IGSF11: variants seen among roughly 807,000 people sequenced by gnomAD.
IGSF11 encodes the protein immunoglobulin superfamily member 11, also known as CXADR like 1.
In IGSF11, 22 loss-of-function variants were observed where a neutral mutation model predicts 41.0. That is an observed-to-expected ratio of 0.54 (90% CI 0.38 to 0.77). The LOEUF (loss-of-function observed/expected upper bound fraction) is 0.77. IGSF11 is among the 30% of genes least tolerant of loss of function. IGSF11 has a pLI of 0.00. For synonymous variants in IGSF11, 219 were observed against 201.3 expected (o/e 1.09, Z -0.74); for missense variants, 444 against 530.8 (o/e 0.84, Z 1.61).
At chr3:119,066,364 T>C (rs2107460350) in intron 1 of IGSF11, among the ~76,000 whole-genome samples, 1 of 152,358 alleles carries the variant, frequency 6.6e-6, no homozygotes, top group East Asian at 1.9e-4. Flanking sequence ...TTTTTGGATT[T>C]ACCATATTTA....
intron 1 of IGSF11, among the ~76,000 whole-genome samples, chr3:119,018,481 T>G (rs1264775868): frequency 3.3e-5 from 5 of 152,226 alleles, no homozygotes; most frequent in African/African-American, 1.2e-4. Context: ...TGTAATCCAC[T>G]TACTGATCAC....
chr3:118,933,781 A>G (rs1943049100), intron 1 of IGSF11, among the ~76,000 whole-genome samples: 2 of 152,122 alleles, frequency 1.3e-5, no homozygotes, highest in South Asian at 2.1e-4. Context: ...TAAAACTAGA[A>G]TGGACTTTTA....
At chr3:118,907,289 T>A (rs926717795) in intron 4 of IGSF11, among the ~76,000 whole-genome samples, 2 of 152,220 alleles carry the variant, frequency 1.3e-5, no homozygotes, top group African/African-American at 4.8e-5. Context: ...TATTAATTCA[T>A]TCATTTAATA....
At chr3:119,019,149 A>T (rs1186632904) in intron 1 of IGSF11, among the ~76,000 whole-genome samples, 1 of 152,058 alleles carries the variant, frequency 6.6e-6, no homozygotes, top group Non-Finnish European at 1.5e-5. Flanking sequence ...CTGTTGGTAT[A>T]TCAGCTTAAG....
exon 1 of IGSF11, chr3:119,105,149 C>G: frequency 1.2e-6 from 2 of 1,604,380 alleles, no homozygotes; most frequent in Non-Finnish European, 1.7e-6. Flanking sequence ...CTAACCAGTT[C>G]TAGAAAAGCA....
intron 1 of IGSF11, chr3:119,012,816 G>A (rs533195320): frequency 2.6e-5 from 4 of 152,188 alleles, no homozygotes; most frequent in Admixed American, 6.5e-5. Context: ...GATCTCCTCC[G>A]GTCCACTTCC....
chr3:119,126,627 G>T (rs983609532), intron 1 of IGSF11, among the ~76,000 whole-genome samples: 4 of 152,178 alleles, frequency 2.6e-5, no homozygotes, highest in East Asian at 3.9e-4. Flanking sequence ...CTGGCATCAG[G>T]GTGGTGCCCC....
At chr3:119,095,948 A>G (rs1157787451) in intron 1 of IGSF11, among the ~76,000 whole-genome samples, 1 of 152,124 alleles carries the variant, frequency 6.6e-6, no homozygotes, top group Admixed American at 6.6e-5. Flanking sequence ...CATCTTATAA[A>G]CTTCTTTATT....
intron 1 of IGSF11, among the ~76,000 whole-genome samples, chr3:118,967,362 G>A (rs1385148335): frequency 1.3e-5 from 2 of 151,980 alleles, no homozygotes; most frequent in African/African-American, 2.4e-5. Flanking sequence ...TCTCTATTAC[G>A]ATTTAGATAT....
rs1439564801 is a variant in IGSF11 at position 118,967,333 on chromosome 3, CTCTAA to C, written c.53-37063_53-37059del. On this transcript the variant is annotated intron_variant, in intron 1 of 6. Transcript: ENST00000393775. The stretch of plus-strand genomic sequence containing the variant: ...GCATGATCTGCGTTAAATTTTAAAT[CTCTAA>C]TCTTTCTTTACATTCTCTATTACGA... 2.6e-5 allele frequency among the ~76,000 whole-genome samples: 4 copies of C among 152,262 alleles called. No individual in the cohort carries two copies. The South Asian group carries it at 8.3e-4, about 32-fold the overall frequency.
intron 1 of IGSF11, among the ~76,000 whole-genome samples, chr3:119,118,796 T>C (rs1281744237): frequency 1.3e-5 from 2 of 152,238 alleles, no homozygotes; most frequent in Admixed American, 6.5e-5. Context: ...CTTGAATGTT[T>C]TGCTGCTTAG....
chr3:119,056,083 C>A lies in IGSF11; in HGVS notation c.49+49061G>T, dbSNP rs142593470. Among the ~76,000 whole-genome samples the A allele has an allele frequency of 3.4e-3, 510 of 152,168 alleles. 16 individuals carry two copies. The highest frequency in any genetic ancestry group is 0.029 in the East Asian group (151 of 5,176). ...AGAACTAGAGAAGCAAGAGCAAATA[C>A]ATTCAAAAGCTAGCAGAAGGCAAGA... On this transcript the variant is annotated intron_variant, in intron 1 of 6. Transcript: ENST00000354673.
At chr3:119,101,002 A>G (rs1174352341) in intron 1 of IGSF11, among the ~76,000 whole-genome samples, 1 of 152,180 alleles carries the variant, frequency 6.6e-6, no homozygotes, top group East Asian at 1.9e-4. Flanking sequence ...CAGTTACCCA[A>G]ACTAGAAGAA....
At chr3:119,096,046 TTTTA>T (rs55923645) in intron 1 of IGSF11, among the ~76,000 whole-genome samples, 7 of 151,652 alleles carry the variant, frequency 4.6e-5, no homozygotes, top group South Asian at 2.1e-4. Context: ...ATGAAAACTG[TTTTA>T]TTTATTTATT....
intron 1 of IGSF11, among the ~76,000 whole-genome samples, chr3:118,932,143 T>A (rs961011808): frequency 6.6e-6 from 1 of 152,218 alleles, no homozygotes; most frequent in Non-Finnish European, 1.5e-5. Flanking sequence ...AGCCAACTCA[T>A]GGGAAGTCAA....
intron 1 of IGSF11, among the ~76,000 whole-genome samples, chr3:119,125,915 G>A (rs764429412): frequency 6.6e-5 from 10 of 152,300 alleles, no homozygotes; most frequent in Non-Finnish European, 1.2e-4. Context: ...AGAAGACCCC[G>A]CTCGCGAACC....
At chr3:119,072,308 T>C (rs1265751265) in intron 1 of IGSF11, among the ~76,000 whole-genome samples, 3 of 152,214 alleles carry the variant, frequency 2.0e-5, no homozygotes, top group African/African-American at 4.8e-5. Context: ...AACAGCAAAG[T>C]TGAGATTTGA....
chr3:119,099,889 G>C (rs1199208919), intron 1 of IGSF11, among the ~76,000 whole-genome samples: 1 of 152,200 alleles, frequency 6.6e-6, no homozygotes, highest in African/African-American at 2.4e-5. Flanking sequence ...ACTCTGGGTA[G>C]TATTGAACCC....
At chr3:119,086,063 T>G (rs1043702940) in intron 1 of IGSF11, among the ~76,000 whole-genome samples, 6 of 152,222 alleles carry the variant, frequency 3.9e-5, no homozygotes. Flanking sequence ...CAAAGTCATT[T>G]ATGGCATATG....
Sources: allele counts gnomAD v4.1 joint callset (sites outside exome capture counted in the v4.1 genomes callset), GRCh38; gene constraint gnomAD v4.1.1; transcripts MANE v1.5; gene names NCBI Gene and HGNC (gene_info 2026-07-23, HGNC 2026-07-21).